ILDR2: variants seen among roughly 807,000 people sequenced by gnomAD.
The protein encoded by ILDR2 is immunoglobulin-like domain-containing receptor 2.
A neutral mutation model predicts 66.8 loss-of-function variants in ILDR2; 25 were observed. That is an observed-to-expected ratio of 0.37 (90% CI 0.27 to 0.52). The LOEUF (loss-of-function observed/expected upper bound fraction) is 0.52. Ranked by LOEUF, ILDR2 falls within the 20% of genes least tolerant of loss-of-function variation. The pLI is 0.88. For missense variants in ILDR2, 827 were observed against 876.8 expected (o/e 0.94, Z 0.72); for synonymous variants, 367 against 357.2 (o/e 1.03, Z -0.31).
At chr1:166,974,775 G>A (rs1181753650) in intron 1 of ILDR2, among the ~76,000 whole-genome samples, 2 of 152,130 alleles carry the variant, frequency 1.3e-5, no homozygotes, top group Non-Finnish European at 2.9e-5. Flanking sequence ...TAAGGAGACA[G>A]TCCTCTAGCC....
At chr1:166,939,843 G>C (rs538567070) in intron 3 of ILDR2, among the ~76,000 whole-genome samples, 73 of 152,314 alleles carry the variant, frequency 4.8e-4, no homozygotes, top group Admixed American at 9.8e-4. Context: ...GGAAATCTCT[G>C]CTTGAGCAGA....
At chr1:166,967,009 C>A (rs953828330) in intron 1 of ILDR2, among the ~76,000 whole-genome samples, 3 of 152,236 alleles carry the variant, frequency 2.0e-5, no homozygotes, top group Admixed American at 1.3e-4. Context: ...TAGATGGAGA[C>A]ACTAACCATC....
intron 1 of ILDR2, among the ~76,000 whole-genome samples, chr1:166,970,939 G>C (rs773605194): frequency 6.6e-6 from 1 of 152,132 alleles, no homozygotes; most frequent in Non-Finnish European, 1.5e-5. Context: ...AAGAGATAAC[G>C]GAAGTTGAGG....
At chr1:166,922,835 A>G (rs1289732941) in intron 7 of ILDR2, 26 bp from the exon 8 acceptor site, 19 of 1,591,676 alleles carry the variant, frequency 1.2e-5, no homozygotes, top group Non-Finnish European at 1.6e-5. Context: ...CAGGCATGAT[A>G]GAGCTTTTTG....
intron 6 of ILDR2, chr1:166,933,451 C>A (rs1374273271): frequency 2.2e-6 from 1 of 461,550 alleles, no homozygotes; most frequent in Non-Finnish European, 2.8e-6. Flanking sequence ...TCCTTCAGGG[C>A]TGCCACCTGA....
rs1659449953 is a variant in ILDR2 at position 166,910,416 on chromosome 1, G to T, written c.*8939C>A. On this transcript the variant is annotated 3_prime_UTR_variant, in exon 10 of 10. Transcript: ENST00000271417. ...AATGCACTTAATTTGTTTTTCAAAA[G>T]CCAAATTCATCTATATAAATTCATA... is the stretch of plus-strand genomic sequence containing the variant. The T allele has an allele frequency of 6.6e-6, 1 of 152,104 alleles. No homozygotes were observed. The highest frequency in any genetic ancestry group is 2.4e-5 in the African/African-American group (1 of 41,408). The allele number at this position is 152,104 out of a possible 1,614,324, so 9.4% of individuals were successfully genotyped here.
intron 2 of ILDR2, among the ~76,000 whole-genome samples, chr1:166,900,116 T>C (rs1312430866): frequency 6.6e-6 from 1 of 152,086 alleles, no homozygotes; most frequent in Non-Finnish European, 1.5e-5. Flanking sequence ...TCCCAGCCTC[T>C]CTTCTCTCTA....
At position 166,956,799 on chromosome 1, in the gene ILDR2, A is replaced by G; in HGVS notation, c.433T>C (p.Cys145Arg). The G allele has an allele frequency of 6.2e-7, 1 of 1,614,076 alleles. No individual in the cohort carries two copies. The highest frequency in any genetic ancestry group is 8.5e-7 in the Non-Finnish European group (1 of 1,179,946). Residue 145 changes from cysteine to arginine, a missense_variant, in exon 3 of 10, where the codon TGT becomes CGT. Transcript: ENST00000271417. ...LMWGDSGLYY[C>R]IITTPDDLEG... is the part of the protein sequence containing the mutation. Reference sequence around the variant, plus strand: ...AGGTCATCTGGGGTGGTGATAATACAGTAATAGAGTCCGCTGTCTCCCCAC... The same window carrying G: ...AGGTCATCTGGGGTGGTGATAATACGGTAATAGAGTCCGCTGTCTCCCCAC...
chr1:166,909,790 T>TAAATATATATAA lies in ILDR2; in HGVS notation c.*9564_*9565insTTATATATATTT, dbSNP rs1329344348. 3 of 131,862 alleles carry TAAATATATATAA rather than the reference T, an allele frequency of 2.3e-5. No homozygotes were observed. The highest frequency in any genetic ancestry group is 4.7e-5 in the Non-Finnish European group (3 of 63,706). 8.2% of individuals were successfully genotyped at this position (131,862 alleles called of 1,614,324 possible). On this transcript the variant is annotated 3_prime_UTR_variant, in exon 10 of 10. Coordinates refer to ENST00000271417, the MANE Select transcript of ILDR2 (RefSeq NM_199351.3). ...ATATAAATATATATATTTATATATA[T>TAAATATATATAA]ATATATATATATATATCCTTCTAGC...
rs752768531 is a variant in ILDR2 at position 166,938,015 on chromosome 1, CA to C, written c.557-1279del. 3.3e-5 allele frequency among the ~76,000 whole-genome samples: 5 copies of C among 152,240 alleles called. No homozygotes were observed. The South Asian group carries it at 1.0e-3, about 32-fold the overall frequency. On this transcript the variant is annotated intron_variant, in intron 4 of 9. Transcript: ENST00000271417. ...ATAATTTCCTCAGAGAGGAAACAAA[CA>C]ACATGTTTCCTGAATGTCCCTCCTC...
chr1:166,957,840 A>G lies in ILDR2; in HGVS notation c.308T>C (p.Val103Ala). 1 of 1,614,160 alleles carries G rather than the reference A, an allele frequency of 6.2e-7. No individual in the cohort carries two copies. The change falls in exon 2 of 10, where the codon GTA (valine) becomes GCA (alanine). Residue 103 changes from valine (V) to alanine (A), a missense_variant. This residue lies in a region of ILDR2 where 437 missense variants were observed against 523.2 expected (regional missense o/e 0.84). Transcript: ENST00000271417. ...GACAGTCGAGCCCTGTTTTGAAGCT[A>G]CTACTCGAACAGTCCTCCTGCTGTC... ...CLDSRRTVRV[V>A]ASKQGSTVTL...
At chr1:166,962,079 G>A (rs1662651834) in intron 1 of ILDR2, among the ~76,000 whole-genome samples, 1 of 152,188 alleles carries the variant, frequency 6.6e-6, no homozygotes, top group Admixed American at 6.5e-5. Flanking sequence ...ACAGAGTGAA[G>A]TGTTGGAGAT....
chr1:166,975,315 T>C lies in ILDR2; in HGVS notation c.-47A>G, dbSNP rs377239117. 5.7e-6 allele frequency: 9 copies of C among 1,579,028 alleles called. No homozygotes were observed. The African/African-American group carries it at 1.1e-4, about 19-fold the overall frequency. On this transcript the variant is annotated 5_prime_UTR_variant, in exon 1 of 10. Transcript: ENST00000271417. ...ATTACGGAGTGAGGAAAGTGGGAAA[T>C]GGCTGGAACAGAAGGATCGCTGTCA...
chr1:166,969,900 G>T (rs988331059), intron 1 of ILDR2, among the ~76,000 whole-genome samples: 7 of 152,164 alleles, frequency 4.6e-5, no homozygotes, highest in Admixed American at 2.0e-4. Flanking sequence ...TTTCCTCTGA[G>T]CCTTGGTCTT....
intron 1 of ILDR2, among the ~76,000 whole-genome samples, chr1:166,958,407 C>T (rs79507659): frequency 0.055 from 8,292 of 152,062 alleles, 331 homozygotes; most frequent in East Asian, 0.17. Flanking sequence ...TGAGTTCTCA[C>T]GAGATCTGAT....
chr1:166,915,379 A>T lies in ILDR2; in HGVS notation c.*3976T>A, dbSNP rs1315233853. On this transcript the variant is annotated 3_prime_UTR_variant, in exon 10 of 10. Coordinates refer to ENST00000271417, the MANE Select transcript of ILDR2 (RefSeq NM_199351.3). ...TTTGGAGTACCCAGAGGTATGACTT[A>T]GTGCAATGATTTCCAAATGCATCTG... 2 of 152,228 alleles carry T rather than the reference A, an allele frequency of 1.3e-5. No individual in the cohort carries two copies. Among genetic ancestry groups the T allele is most frequent in the Non-Finnish European group, 2.9e-5 (2 of 68,058 alleles). 9.4% of individuals were successfully genotyped at this position (152,228 alleles called of 1,614,324 possible).
At position 166,956,784 on chromosome 1, in the gene ILDR2, G is replaced by C. The variant is rs1182634185; in HGVS notation, c.448C>G (p.Pro150Ala). The change falls in exon 3 of 10, where the codon CCA becomes GCA. Residue 150 changes from proline to alanine, a missense_variant. This residue lies in a region of ILDR2 where 437 missense variants were observed against 523.2 expected (regional missense o/e 0.84). Transcript: ENST00000271417. ...SGLYYCIITT[P>A]DDLEGKNEDS... is the part of the protein sequence containing the mutation. ...TCATTTTTCCCCTCCAGGTCATCTG[G>C]GGTGGTGATAATACAGTAATAGAGT... is the stretch of plus-strand genomic sequence containing the variant. 1 of 1,613,964 alleles carries C rather than the reference G, an allele frequency of 6.2e-7. No individual in the cohort carries two copies. Among genetic ancestry groups the C allele is most frequent in the East Asian group, 2.2e-5 (1 of 44,888 alleles).
In ILDR2 at chr1:166,909,748, TA is replaced by T. The variant is rs1557921212; in HGVS notation, c.*9606del. ...GTGTGTATACATACATATATATATA[TA>T]TATATATATAAATATATATAAATAT... On this transcript the variant is annotated 3_prime_UTR_variant, in exon 10 of 10. Transcript: ENST00000271417. The T allele has an allele frequency of 1.8e-5, 2 of 111,254 alleles. No individual in the cohort carries two copies. Among genetic ancestry groups the T allele is most frequent in the East Asian group, 2.6e-4 (1 of 3,776 alleles). The allele number at this position is 111,254 out of a possible 1,614,324, so 6.9% of individuals were successfully genotyped here. A position where few individuals can be genotyped will look rare whatever the true frequency, so the allele number is the denominator to read the frequency against.
At chr1:166,903,838 G>A (rs889831377), downstream of ILDR2, among the ~76,000 whole-genome samples, 4 of 152,216 alleles carry the variant, frequency 2.6e-5, no homozygotes, top group African/African-American at 9.6e-5. Context: ...AACTCTGCCC[G>A]ATGGTCCTCT....
Sources: allele counts gnomAD v4.1 joint callset (sites outside exome capture counted in the v4.1 genomes callset), GRCh38; gene constraint gnomAD v4.1.1; regional missense constraint gnomAD v4.1.1; transcripts MANE v1.5; gene names NCBI Gene and HGNC (gene_info 2026-07-23, HGNC 2026-07-21).